ZC3H15: variants seen among roughly 807,000 people sequenced by gnomAD.
The protein encoded by ZC3H15 is zinc finger CCCH-type containing 15.
A neutral mutation model predicts 51.2 loss-of-function variants in ZC3H15; 15 were observed. The observed-to-expected ratio is 0.29, with a 90% CI of 0.20 to 0.45. ZC3H15 has a LOEUF of 0.45. ZC3H15 is among the 20% of genes least tolerant of loss of function. ZC3H15 has a pLI of 1.00. For synonymous variants in ZC3H15, 144 were observed against 162.8 expected (o/e 0.88, Z 0.88); for missense variants, 381 against 494.7 (o/e 0.77, Z 2.18).
In ZC3H15 at chr2:186,506,725, G is replaced by T. The variant is rs1685472726; in HGVS notation, c.979G>T (p.Val327Leu). The T allele has an allele frequency of 1.9e-6, 3 of 1,609,960 alleles. No homozygotes were observed. Among genetic ancestry groups the T allele is most frequent in the Non-Finnish European group, 2.5e-6 (3 of 1,178,038 alleles). The change falls in exon 9 of 10, where the codon GTG becomes TTG. Residue 327 changes from valine to leucine, a missense_variant. By Grantham distance (32) the Val-to-Leu change is conservative (BLOSUM62 1). This residue lies in a region of ZC3H15 where 215 missense variants were observed against 241.8 expected (regional missense o/e 0.89). Transcript: ENST00000337859. Reference sequence around the variant, plus strand: ...TATGTTGTTAAAGGTTGATGATTCAGTGAGTGTAAATGACATAGATTTAAG... The same window carrying T: ...TATGTTGTTAAAGGTTGATGATTCATTGAGTGTAAATGACATAGATTTAAG... ...GTGGDEVDDS[V>L]SVNDIDLSLY...
In ZC3H15 at chr2:186,502,370, A is replaced by G. The variant is rs928264656; in HGVS notation, c.443-126A>G. ...CTGAGCAACAGTGAGACCCCGTCTC[A>G]ACAAAAAGAAAAAGAAAAATGTGTT... On this transcript the variant is annotated intron_variant, in intron 4 of 9. Coordinates refer to ENST00000337859, the MANE Select transcript of ZC3H15 (RefSeq NM_018471.3). The G allele has an allele frequency of 6.6e-6, 5 of 755,808 alleles. No individual in the cohort carries two copies. The East Asian group carries it at 1.5e-4, about 23-fold the overall frequency. 46.8% of individuals were successfully genotyped at this position (755,808 alleles called of 1,614,324 possible). A position where few individuals can be genotyped will look rare whatever the true frequency, so the allele number is the denominator to read the frequency against.
In ZC3H15 at chr2:186,500,288, G is replaced by A; in HGVS notation, c.284G>A (p.Ser95Asn). ...CCTGTAGTTGCTGCTCAAAAAATAA[G>A]TAAAGGTAAACTTAAAATTTCAGAA... ...FKPVVAAQKISKGADPKSVVC... is the reference protein window; with the variant it reads ...FKPVVAAQKINKGADPKSVVC... Residue 95 changes from serine (S) to asparagine (N), a missense_variant, in exon 3 of 10, where the codon AGT (serine) becomes AAT (asparagine). Physicochemically the swap from Ser to Asn is conservative, Grantham distance 46. Transcript: ENST00000337859. 1 of 1,600,836 alleles carries A rather than the reference G, an allele frequency of 6.2e-7. No homozygotes were observed. The highest frequency in any genetic ancestry group is 1.1e-5 in the South Asian group (1 of 87,488).
chr2:186,493,145 G>A (rs1429117895), intron 1 of ZC3H15, among the ~76,000 whole-genome samples: 1 of 151,656 alleles, frequency 6.6e-6, no homozygotes, highest in Non-Finnish European at 1.5e-5. Flanking sequence ...TCAACAATGG[G>A]AAGCACTAGG....
chr2:186,506,853 T>C lies in ZC3H15; in HGVS notation c.1090+17T>C. ...ATAAAGATGGTAAGTATGCTAACTT[T>C]TGCCTAATTTTAAGAACTAGGAAGT... On this transcript the variant is annotated intron_variant, in intron 9 of 9. Coordinates refer to ENST00000337859, the MANE Select transcript of ZC3H15 (RefSeq NM_018471.3). 6.2e-7 allele frequency: 1 copy of C among 1,603,182 alleles called. No homozygotes were observed. Among genetic ancestry groups the C allele is most frequent in the Middle Eastern group, 1.7e-4 (1 of 5,996 alleles).
intron 1 of ZC3H15, among the ~76,000 whole-genome samples, chr2:186,486,695 C>T (rs1338207027): frequency 1.3e-5 from 2 of 152,166 alleles, no homozygotes; most frequent in Non-Finnish European, 2.9e-5. Flanking sequence ...CGTGTTCACC[C>T]ACCCATGCAC....
intron 9 of ZC3H15, among the ~76,000 whole-genome samples, chr2:186,507,760 G>T (rs1685490539): frequency 6.6e-6 from 1 of 152,168 alleles, no homozygotes; most frequent in Non-Finnish European, 1.5e-5. Context: ...TGAAAAACCA[G>T]CTTGCCCTCC....
chr2:186,487,827 TTTAAA>T (rs1474507695), intron 1 of ZC3H15, among the ~76,000 whole-genome samples: 3 of 152,242 alleles, frequency 2.0e-5, no homozygotes, highest in Non-Finnish European at 4.4e-5. Context: ...ATTTAGACAA[TTTAAA>T]TTATACTTCA....
chr2:186,503,503 A>G (rs886386936), intron 5 of ZC3H15, among the ~76,000 whole-genome samples: 2 of 152,110 alleles, frequency 1.3e-5, no homozygotes, highest in African/African-American at 4.8e-5. Context: ...CAGCCTCCCA[A>G]GTAGCTGGGG....
chr2:186,502,129 C>T (rs1415554637), intron 4 of ZC3H15, among the ~76,000 whole-genome samples: 2 of 152,026 alleles, frequency 1.3e-5, no homozygotes, highest in Non-Finnish European at 2.9e-5. Context: ...CAGGAAGAAT[C>T]ACTTGAGCCC....
chr2:186,507,546 G>A (rs942512934), intron 9 of ZC3H15: 26 of 451,144 alleles, frequency 5.8e-5, no homozygotes, highest in Admixed American at 3.3e-4. Context: ...AATGAGTTAG[G>A]TATGAGAATG....
chr2:186,486,279 G>C lies in ZC3H15; in HGVS notation c.-104G>C, dbSNP rs866805958. On this transcript the variant is annotated 5_prime_UTR_variant, in exon 1 of 10. Transcript: ENST00000337859. ...ATGAGCGACTCGCTTTCCGTGCGGT[G>C]CGGCGAGTGAGGCCCCGGTCTTCCT... 1 of 1,260,054 alleles carries C rather than the reference G, an allele frequency of 7.9e-7. No individual in the cohort carries two copies. The highest frequency in any genetic ancestry group is 1.5e-5 in the African/African-American group (1 of 64,628). 78.1% of individuals were successfully genotyped at this position (1,260,054 alleles called of 1,614,324 possible).
intron 5 of ZC3H15, among the ~76,000 whole-genome samples, chr2:186,503,025 G>A (rs2119861): frequency 0.22 from 32,963 of 152,046 alleles, 3,720 homozygotes; most frequent in Middle Eastern, 0.27. Context: ...ATTTTTGGTA[G>A]GTAGTGGCTC....
At chr2:186,494,929 C>T (rs1685257802) in intron 1 of ZC3H15, among the ~76,000 whole-genome samples, 1 of 151,782 alleles carries the variant, frequency 6.6e-6, no homozygotes, top group Non-Finnish European at 1.5e-5. Context: ...AACAAACCTG[C>T]ACGTTGTACA....
intron 6 of ZC3H15, 153 bp from the exon 7 acceptor site, chr2:186,505,298 C>T (rs916255675): frequency 3.5e-6 from 3 of 858,426 alleles, no homozygotes; most frequent in East Asian, 3.3e-5. Flanking sequence ...CTCATTGCCA[C>T]GTAAAGTAAA....
intron 1 of ZC3H15, 66 bp from the exon 2 acceptor site, chr2:186,495,167 A>G (rs1002935841): frequency 2.0e-5 from 17 of 850,664 alleles, no homozygotes; most frequent in Non-Finnish European, 2.6e-5. Context: ...TGATTTTTAG[A>G]TATCATTGGA....
intron 2 of ZC3H15, chr2:186,499,664 T>G (rs751305363): frequency 2.3e-6 from 1 of 440,408 alleles, no homozygotes; most frequent in South Asian, 1.6e-5. Flanking sequence ...TCATATTAGG[T>G]ATGTAAATCG....
rs1675619348 is a variant in ZC3H15, at chr2:186,487,196, AT to A, written c.75+740del. On this transcript the variant is annotated intron_variant, in intron 1 of 9. Transcript: ENST00000337859. ...TGTATATGTGTATATATGTGTGTGT[AT>A]ATATATTCGTTTAACACATTGAGCC... 3 of 152,126 alleles carry A rather than the reference AT, an allele frequency of 2.0e-5. No homozygotes were observed. In the South Asian group the frequency reaches 6.2e-4, roughly 32 times the overall value. 9.4% of individuals were successfully genotyped at this position (152,126 alleles called of 1,614,324 possible).
intron 1 of ZC3H15, among the ~76,000 whole-genome samples, chr2:186,492,316 A>G (rs1045632518): frequency 6.6e-6 from 1 of 152,212 alleles, no homozygotes; most frequent in African/African-American, 2.4e-5. Flanking sequence ...GTATCACATT[A>G]TGTTGACCAT....
At position 186,509,279 on chromosome 2, in the gene ZC3H15, C is replaced by T. The variant is rs1332780494; in HGVS notation, c.*546C>T. 1.1e-5 allele frequency: 2 copies of T among 176,270 alleles called. No individual in the cohort carries two copies. The highest frequency in any genetic ancestry group is 2.4e-5 in the Non-Finnish European group (2 of 82,404). The allele number at this position is 176,270 out of a possible 1,614,324, so 10.9% of individuals were successfully genotyped here. On this transcript the variant is annotated 3_prime_UTR_variant, in exon 10 of 10. Transcript: ENST00000337859. ...ATCTGACAGGATCAGCTACAATGCC[C>T]TGTGTTAAATTGTTTAAAAGTTTCC...
Sources: gnomAD v4.1 joint callset for allele counts (sites outside exome capture counted in the v4.1 genomes callset) on GRCh38, gnomAD v4.1.1 for gene constraint, gnomAD v4.1.1 regional missense constraint, MANE v1.5 for transcripts, NCBI Gene and HGNC (gene_info 2026-07-23, HGNC 2026-07-21) for gene names.